PAX6: variants seen among roughly 807,000 people sequenced by gnomAD.
PAX6 encodes the protein paired box 6, also known as paired box protein Pax-6.
In PAX6, 7 loss-of-function variants were observed where a neutral mutation model predicts 60.7. The ratio of observed to expected loss-of-function variants is 0.12; its 90% CI spans 0.07 to 0.22. PAX6 has a LOEUF of 0.22. Ranked by LOEUF, PAX6 falls within the 10% of genes least tolerant of loss-of-function variation. The probability of loss-of-function intolerance (pLI) is 1.00; values close to 1 mark genes in which losing one functional copy is unlikely to be tolerated. For missense variants in PAX6, 355 were observed against 555.2 expected (o/e 0.64, Z 3.62); for synonymous variants, 208 against 201.2 (o/e 1.03, Z -0.29).
chr11:31,789,762 T>C lies in PAX6; in HGVS notation c.*172A>G. 1 of 720,748 alleles carries C rather than the reference T, an allele frequency of 1.4e-6. No homozygotes were observed. The allele number at this position is 720,748 out of a possible 1,614,324, so 44.6% of individuals were successfully genotyped here. On this transcript the variant is annotated 3_prime_UTR_variant, in exon 14 of 14. Transcript: ENST00000640368. Reference sequence around the variant, plus strand: ...TCGTGCCTTCTGTATACAAAGGTCCTTGTTTCAAGTCCATTCCTTCCCCAG... The same window carrying C: ...TCGTGCCTTCTGTATACAAAGGTCCCTGTTTCAAGTCCATTCCTTCCCCAG...
chr11:31,816,989 G>C (rs941151896), intron 1 of PAX6, among the ~76,000 whole-genome samples: 4 of 152,220 alleles, frequency 2.6e-5, no homozygotes, highest in Non-Finnish European at 5.9e-5. Flanking sequence ...TCCCTTCCCT[G>C]ACTCACTAAG....
At chr11:31,794,459 C>G in intron 9 of PAX6, 171 bp downstream of exon 9, 2 of 520,958 alleles carry the variant, frequency 3.8e-6, no homozygotes. Flanking sequence ...CACACACACA[C>G]ACACACACAC....
intron 12 of PAX6, 23 bp from the exon 13 acceptor site, chr11:31,790,883 G>A: frequency 6.2e-7 from 1 of 1,612,486 alleles, no homozygotes; most frequent in Non-Finnish European, 8.5e-7. Context: ...AGGCAAACCT[G>A]TGGTTACTGA....
At chr11:31,810,272 T>G (rs1956776531) in intron 2 of PAX6, 1 of 152,180 alleles carries the variant, frequency 6.6e-6, no homozygotes, top group Non-Finnish European at 1.5e-5. Context: ...CGGAGCCCAG[T>G]GCGGCACAAA....
rs952771377 is a variant in PAX6, at chr11:31,816,821, G to C, written c.-317+988C>G. 5.9e-5 allele frequency among the ~76,000 whole-genome samples: 9 copies of C among 152,378 alleles called. No homozygotes were observed. In the South Asian group the frequency reaches 1.9e-3, roughly 32 times the overall value. On this transcript the variant is annotated intron_variant, in intron 1 of 12. Transcript: ENST00000241001. ...GGAGCGCGAGTGGGAGTGGGGGTTG[G>C]GGGCTAGCCGGGGCCTGGCCCAGAG...
intron 8 of PAX6, among the ~76,000 whole-genome samples, chr11:31,796,013 A>T (rs1256829260): frequency 6.6e-6 from 1 of 152,258 alleles, no homozygotes; most frequent in Non-Finnish European, 1.5e-5. Flanking sequence ...AGGAGACAAT[A>T]GGCTGCGCCT....
At chr11:31,792,491 G>T (rs1289379811) in intron 12 of PAX6, 1 of 152,218 alleles carries the variant, frequency 6.6e-6, no homozygotes, top group East Asian at 1.9e-4. Context: ...AACAATCAGT[G>T]TAGCCCCAGA....
chr11:31,805,637 C>T (rs1394797305), intron 4 of PAX6: 1 of 152,740 alleles, frequency 6.5e-6, no homozygotes, highest in African/African-American at 2.4e-5. Flanking sequence ...TACCAGCACC[C>T]ACCACGAACA....
intron 8 of PAX6, 104 bp from the exon 9 acceptor site, chr11:31,794,892 G>T: frequency 9.3e-7 from 1 of 1,073,060 alleles, no homozygotes; most frequent in Non-Finnish European, 1.4e-6. Context: ...TATCCCGACA[G>T]CCTCACCAAA....
At chr11:31,802,620 A>C (rs1427840207) in intron 5 of PAX6, 84 bp downstream of exon 5, 1 of 1,478,986 alleles carries the variant, frequency 6.8e-7, no homozygotes. Flanking sequence ...CATAATTAGC[A>C]TCGTTTACAG....
chr11:31,815,815 G>A (rs1403269575), upstream of PAX6, among the ~76,000 whole-genome samples: 2 of 151,690 alleles, frequency 1.3e-5, no homozygotes, highest in South Asian at 2.1e-4. Context: ...ACAATTCGGC[G>A]CTTTTCGTCA....
rs143477661 is a variant in PAX6, at chr11:31,790,756, T to A, written c.1179A>T (p.Thr393=). 8.7e-6 allele frequency: 14 copies of A among 1,614,128 alleles called. No homozygotes were observed. In the East Asian group the frequency reaches 2.9e-4, roughly 33 times the overall value. Residue 393 remains threonine, a synonymous_variant, in exon 13 of 14, where the codon ACA becomes ACT. Transcript: ENST00000640368. ...TGCCCATTGGCTGACTGTTCATGTG[T>A]GTCTGCATATGTGGGGGGGTGTAGG... ...YDTYTPPHMQ[T]HMNSQPMGTS...
At chr11:31,794,855 G>C in intron 8 of PAX6, 67 bp from the exon 9 acceptor site, 1 of 1,478,278 alleles carries the variant, frequency 6.8e-7, no homozygotes, top group Non-Finnish European at 9.5e-7. Context: ...AAGGGGCCTG[G>C]TGTAGTCTTA....
At position 31,800,717 on chromosome 11, in the gene PAX6, G is replaced by T; in HGVS notation, c.539C>A (p.Thr180Asn). 1 of 1,614,210 alleles carries T rather than the reference G, an allele frequency of 6.2e-7. No homozygotes were observed. The highest frequency in any genetic ancestry group is 8.5e-7 in the Non-Finnish European group (1 of 1,180,038). Residue 180 changes from threonine (T) to asparagine (N), a missense_variant, in exon 8 of 14, where the codon ACT (threonine) becomes AAT (asparagine). By Grantham distance (65) the Thr-to-Asn change is moderately conservative. Coordinates refer to ENST00000640368, the MANE Select transcript of PAX6 (RefSeq NM_001368894.2). ...TTGCGTAGGTTGCCCTGGCACCGAA[G>T]TCCCCGGATACCAACCAGGGCGGGT... ...WGTRPGWYPG[T>N]SVPGQPTQDG...
intron 8 of PAX6, among the ~76,000 whole-genome samples, chr11:31,798,983 G>A (rs1159527803): frequency 6.6e-6 from 1 of 152,248 alleles, no homozygotes; most frequent in Non-Finnish European, 1.5e-5. Context: ...AGCCCTCCCA[G>A]GCCTAGGCCA....
At chr11:31,794,431 C>CACACACACAA (rs1950864614) in intron 9 of PAX6, 199 bp downstream of exon 9, 1 of 21,048 alleles carries the variant, frequency 4.8e-5, no homozygotes, top group Non-Finnish European at 1.0e-4. Flanking sequence ...CACACACACA[C>CACACACACAA]ACACACACAC....
At chr11:31,794,295 C>A in intron 9 of PAX6, 181 bp from the exon 10 acceptor site, 1 of 673,698 alleles carries the variant, frequency 1.5e-6, no homozygotes, top group Non-Finnish European at 2.7e-6. Flanking sequence ...GTTAAATTTT[C>A]TTTGGAATGG....
At chr11:31,790,625 C>G in intron 13 of PAX6, 85 bp downstream of exon 13, 1 of 1,594,204 alleles carries the variant, frequency 6.3e-7, no homozygotes, top group Non-Finnish European at 8.6e-7. Flanking sequence ...AACACGCCCT[C>G]CCATAAGACC....
Position 31,789,737 on chromosome 11 carries a change from T to C in PAX6, c.*197A>G. ...AAATGAAGATTTGTTCCAACTGATA[T>C]CGTGCCTTCTGTATACAAAGGTCCT... is the stretch of plus-strand genomic sequence containing the variant. On this transcript the variant is annotated 3_prime_UTR_variant, in exon 14 of 14. Transcript: ENST00000640368. 1.4e-6 allele frequency: 1 copy of C among 707,374 alleles called. No individual in the cohort carries two copies. The highest frequency in any genetic ancestry group is 2.6e-6 in the Non-Finnish European group (1 of 386,130). 43.8% of individuals were successfully genotyped at this position (707,374 alleles called of 1,614,324 possible). A position where few individuals can be genotyped will look rare whatever the true frequency, so the allele number is the denominator to read the frequency against.
Sources: gnomAD v4.1 joint callset for allele counts (sites outside exome capture counted in the v4.1 genomes callset) on GRCh38, gnomAD v4.1.1 for gene constraint, MANE v1.5 for transcripts, NCBI Gene and HGNC (gene_info 2026-07-23, HGNC 2026-07-21) for gene names.